The following CSMD1 variants were observed in gnomAD, a reference collection of about 807,000 sequenced individuals.
CSMD1 encodes the protein CUB and sushi domain-containing protein 1.
Under a neutral mutation model 417.5 loss-of-function variants are expected in CSMD1, and 213 were observed. The observed-to-expected ratio is 0.51, with a 90% CI of 0.46 to 0.57. The LOEUF (loss-of-function observed/expected upper bound fraction) is 0.57. CSMD1 is among the 20% of genes least tolerant of loss of function. The pLI is 0.00. For missense variants in CSMD1, 6,923 were observed against 4,529.7 expected (o/e 1.53, Z -15.17); for synonymous variants, 2,862 against 1,736.8 (o/e 1.65, Z -16.11).
intron 1 of CSMD1, among the ~76,000 whole-genome samples, chr8:4,834,089 T>A (rs899953624): frequency 6.6e-6 from 1 of 152,228 alleles, no homozygotes; most frequent in African/African-American, 2.4e-5. Flanking sequence ...CCTAGAGATA[T>A]TCAAATGAAT....
chr8:3,294,099 C>A (rs763250636), intron 25 of CSMD1, among the ~76,000 whole-genome samples: 1 of 152,140 alleles, frequency 6.6e-6, no homozygotes, highest in Non-Finnish European at 1.5e-5. Flanking sequence ...CACTCCGGAC[C>A]CTGTTTGCCT....
At chr8:3,584,653 C>A (rs1446002186) in intron 9 of CSMD1, among the ~76,000 whole-genome samples, 1 of 151,996 alleles carries the variant, frequency 6.6e-6, no homozygotes, top group African/African-American at 2.4e-5. Context: ...AATATAAAGG[C>A]AAATATTTAA....
intron 1 of CSMD1, among the ~76,000 whole-genome samples, chr8:4,879,264 G>C (rs573994749): frequency 6.6e-6 from 1 of 152,032 alleles, no homozygotes; most frequent in African/African-American, 2.4e-5. Flanking sequence ...TGCGGAAATG[G>C]AATAGGGGAG....
chr8:3,038,379 G>C (rs542887388), intron 50 of CSMD1, among the ~76,000 whole-genome samples: 1 of 152,172 alleles, frequency 6.6e-6, no homozygotes, highest in Non-Finnish European at 1.5e-5. Context: ...AAAATAGTAT[G>C]ACTGATCCAA....
intron 26 of CSMD1, among the ~76,000 whole-genome samples, chr8:3,251,773 C>A (rs898690418): frequency 6.6e-6 from 1 of 152,088 alleles, no homozygotes; most frequent in Non-Finnish European, 1.5e-5. Context: ...TTGAAGAGGT[C>A]CTTCACATCC....
At position 4,783,684 on chromosome 8, in the gene CSMD1, T is replaced by C. The variant is rs555126286; in HGVS notation, c.86-146126A>G. On this transcript the variant is annotated intron_variant, in intron 1 of 69. Coordinates refer to ENST00000635120, the MANE Select transcript of CSMD1 (RefSeq NM_033225.6). The stretch of plus-strand genomic sequence containing the variant: ...CAGGCTGAAGCCAGCCCGAAGCCTG[T>C]ACTCAGAAGGGTGTCAATTATTCAT... 2.0e-5 allele frequency among the ~76,000 whole-genome samples: 3 copies of C among 152,292 alleles called. No individual in the cohort carries two copies. In the East Asian group the frequency reaches 5.8e-4, roughly 29 times the overall value.
intron 1 of CSMD1, among the ~76,000 whole-genome samples, chr8:4,844,805 C>A (rs1205885245): frequency 6.6e-6 from 1 of 152,148 alleles, no homozygotes; most frequent in Non-Finnish European, 1.5e-5. Context: ...AAAGTTTTCT[C>A]ATTCACGGGA....
chr8:4,482,341 C>A (rs1482704596), intron 2 of CSMD1, among the ~76,000 whole-genome samples: 1 of 152,034 alleles, frequency 6.6e-6, no homozygotes. Flanking sequence ...TGAGAACATG[C>A]GGTATTCGGT....
chr8:4,175,544 T>A (rs1292035904), intron 3 of CSMD1, among the ~76,000 whole-genome samples: 1 of 152,142 alleles, frequency 6.6e-6, no homozygotes, highest in South Asian at 2.1e-4. Flanking sequence ...AATGTAGACA[T>A]GATAAAACCA....
intron 1 of CSMD1, among the ~76,000 whole-genome samples, chr8:4,791,680 G>C (rs891459112): frequency 1.3e-5 from 2 of 152,168 alleles, no homozygotes; most frequent in African/African-American, 4.8e-5. Flanking sequence ...GACATGGAGA[G>C]AGAGGCCAGG....
chr8:4,940,879 G>C (rs942876848), intron 1 of CSMD1, among the ~76,000 whole-genome samples: 1 of 152,132 alleles, frequency 6.6e-6, no homozygotes, highest in East Asian at 1.9e-4. Context: ...TTTTTCTTCA[G>C]GTAATTTTAT....
At chr8:3,747,194 G>T (rs537597099) in intron 6 of CSMD1, among the ~76,000 whole-genome samples, 67 of 152,228 alleles carry the variant, frequency 4.4e-4, no homozygotes, top group African/African-American at 1.5e-3. Context: ...GCTGTATGAC[G>T]AGAGCCACAG....
intron 36 of CSMD1, 130 bp from the exon 37 acceptor site, chr8:3,181,344 G>A (rs1683066965): frequency 1.5e-5 from 10 of 659,872 alleles, no homozygotes; most frequent in Non-Finnish European, 2.6e-5. Context: ...TATTTAATCT[G>A]AGTGTTGGTT....
intron 3 of CSMD1, among the ~76,000 whole-genome samples, chr8:4,256,066 G>T (rs1258720934): frequency 6.6e-6 from 1 of 152,206 alleles, no homozygotes; most frequent in Admixed American, 6.5e-5. Flanking sequence ...CATATTTCCT[G>T]TAAGTTGTAG....
intron 3 of CSMD1, among the ~76,000 whole-genome samples, chr8:4,356,800 C>G (rs1053922163): frequency 2.6e-5 from 4 of 152,182 alleles, no homozygotes; most frequent in African/African-American, 9.7e-5. Flanking sequence ...GCAGGCCCAG[C>G]CCCTGACCGA....
At chr8:3,803,403 G>C (rs1038762783) in intron 5 of CSMD1, among the ~76,000 whole-genome samples, 2 of 152,302 alleles carry the variant, frequency 1.3e-5, no homozygotes, top group Non-Finnish European at 2.9e-5. Flanking sequence ...AGAGGAAACA[G>C]GTAGTGTAGG....
intron 5 of CSMD1, among the ~76,000 whole-genome samples, chr8:3,888,768 T>C (rs571426557): frequency 6.6e-6 from 1 of 152,242 alleles, no homozygotes; most frequent in East Asian, 1.9e-4. Flanking sequence ...TTCCAAATGG[T>C]CCTTCCATTT....
At chr8:3,473,702 A>G (rs1163565129) in intron 11 of CSMD1, among the ~76,000 whole-genome samples, 1 of 152,228 alleles carries the variant, frequency 6.6e-6, no homozygotes, top group Non-Finnish European at 1.5e-5. Context: ...TCATTTCATT[A>G]TAACAATGAT....
intron 11 of CSMD1, 123 bp downstream of exon 11, chr8:3,493,500 G>T: frequency 1.5e-6 from 1 of 678,288 alleles, no homozygotes; most frequent in Non-Finnish European, 2.5e-6. Context: ...CACTACATTA[G>T]CCATAGATGG....
Sources: gnomAD v4.1 joint callset for allele counts (sites outside exome capture counted in the v4.1 genomes callset) on GRCh38, gnomAD v4.1.1 for gene constraint, MANE v1.5 for transcripts, NCBI Gene and HGNC (gene_info 2026-07-23, HGNC 2026-07-21) for gene names.